Variants in FBN1 observed in about 807,000 individuals in gnomAD.
The protein encoded by FBN1 is fibrillin-1.
A neutral mutation model predicts 365.1 loss-of-function variants in FBN1; 29 were observed. The observed-to-expected ratio is 0.08, with a 90% CI of 0.06 to 0.11. FBN1 has a LOEUF of 0.11. FBN1 is among the 10% of genes least tolerant of loss of function. The pLI is 1.00. For synonymous variants in FBN1, 1,210 were observed against 1,270.5 expected (o/e 0.95, Z 1.01); for missense variants, 2,476 against 3,703.2 (o/e 0.67, Z 8.60).
At chr15:48,412,343 A>G (rs2141211230) in intron 65 of FBN1, among the ~76,000 whole-genome samples, 1 of 152,296 alleles carries the variant, frequency 6.6e-6, no homozygotes, top group South Asian at 2.1e-4. Flanking sequence ...GACAGAGGAA[A>G]TGAGCAAGTA....
intron 6 of FBN1, among the ~76,000 whole-genome samples, chr15:48,580,218 G>A (rs766037043): frequency 6.6e-6 from 1 of 152,098 alleles, no homozygotes; most frequent in Non-Finnish European, 1.5e-5. Context: ...GCATGCACTA[G>A]GACCATTCAT....
At chr15:48,603,684 G>A (rs1444141642) in intron 4 of FBN1, among the ~76,000 whole-genome samples, 1 of 152,110 alleles carries the variant, frequency 6.6e-6, no homozygotes, top group Non-Finnish European at 1.5e-5. Context: ...CCATAATGAT[G>A]CTGTATTCTT....
At chr15:48,486,828 T>C (rs1662598237) in intron 29 of FBN1, among the ~76,000 whole-genome samples, 1 of 152,204 alleles carries the variant, frequency 6.6e-6, no homozygotes, top group Non-Finnish European at 1.5e-5. Flanking sequence ...TAAAACATCC[T>C]ATGTCCTTCA....
intron 5 of FBN1, among the ~76,000 whole-genome samples, chr15:48,598,052 T>A (rs2044529389): frequency 6.6e-6 from 1 of 152,206 alleles, no homozygotes; most frequent in Non-Finnish European, 1.5e-5. Flanking sequence ...AGTTAGGACT[T>A]GTCTTCCTGC....
chr15:48,468,227 C>T, intron 37 of FBN1, 125 bp from the exon 38 acceptor site: 2 of 1,369,322 alleles, frequency 1.5e-6, no homozygotes, highest in Non-Finnish European at 2.1e-6. Flanking sequence ...TAAAAAGTGC[C>T]CATGAACATT....
At chr15:48,470,081 G>C (rs954924379) in intron 36 of FBN1, among the ~76,000 whole-genome samples, 2 of 152,122 alleles carry the variant, frequency 1.3e-5, no homozygotes, top group Non-Finnish European at 2.9e-5. Flanking sequence ...AAAGAGAACC[G>C]AGTGTCAGTC....
intron 9 of FBN1, among the ~76,000 whole-genome samples, chr15:48,523,536 C>A (rs538258977): frequency 1.3e-5 from 2 of 152,068 alleles, no homozygotes; most frequent in East Asian, 3.8e-4. Context: ...TGAAGAAGCA[C>A]CTTTGTTAAA....
intron 15 of FBN1, among the ~76,000 whole-genome samples, chr15:48,507,356 T>C (rs2043718708): frequency 1.3e-5 from 2 of 152,208 alleles, no homozygotes. Context: ...TTTTATGCTA[T>C]TTTACACTGT....
chr15:48,433,044 C>A, intron 54 of FBN1, 56 bp from the exon 55 acceptor site: 2 of 1,599,798 alleles, frequency 1.3e-6, no homozygotes, highest in Non-Finnish European at 1.7e-6. Context: ...AAAAGGGAAC[C>A]TACCAATTGA....
At chr15:48,419,190 T>C (rs1304610306) in intron 63 of FBN1, among the ~76,000 whole-genome samples, 2 of 152,146 alleles carry the variant, frequency 1.3e-5, no homozygotes, top group Non-Finnish European at 2.9e-5. Flanking sequence ...ACCCCAAACT[T>C]CTTCTGACTT....
rs2042837524 is a variant in FBN1, at chr15:48,408,699, G to C, written c.*2291C>G. The C allele has an allele frequency of 6.6e-6, 1 of 152,632 alleles. No individual in the cohort carries two copies. The highest frequency in any genetic ancestry group is 1.5e-5 in the Non-Finnish European group (1 of 68,024). 9.5% of individuals were successfully genotyped at this position (152,632 alleles called of 1,614,324 possible). A position where few individuals can be genotyped will look rare whatever the true frequency, so the allele number is the denominator to read the frequency against. ...AGAGGAATATTTACAATGGAACAAT[G>C]AGGAAAATGTTTTGTTACAGTCAGA... On this transcript the variant is annotated 3_prime_UTR_variant, in exon 66 of 66. Transcript: ENST00000316623.
chr15:48,621,908 G>A (rs568805962), intron 2 of FBN1, among the ~76,000 whole-genome samples: 1 of 151,548 alleles, frequency 6.6e-6, no homozygotes, highest in South Asian at 2.1e-4. Flanking sequence ...TGAGGCAGGA[G>A]AATGGTGTGA....
rs768253008 is a variant in FBN1 at position 48,513,564 on chromosome 15, G to A, written c.1573C>T (p.Arg525Trp). Residue 525 changes from arginine to tryptophan, a missense_variant, in exon 13 of 66, where the codon CGG (arginine) becomes TGG (tryptophan). Physicochemically the swap from Arg to Trp is moderately radical, Grantham distance 101. Around this residue, in one of 5 missense-constraint regions of FBN1, gnomAD observed 1,780 missense variants for 2,840.8 expected, o/e 0.63. Transcript: ENST00000316623. ...AGGACCATACCTCGGCATTCTGTCC[G>A]CGTGAGTGTGCTCTGATATCCAGCT... ...CRAGYQSTLT[R>W]TECRDIDECL... The A allele has an allele frequency of 1.3e-5, 21 of 1,613,936 alleles. No individual in the cohort carries two copies. The highest frequency in any genetic ancestry group is 6.7e-5 in the Admixed American group (4 of 60,006).
At chr15:48,535,716 G>A (rs1378589042) in intron 7 of FBN1, among the ~76,000 whole-genome samples, 1 of 152,088 alleles carries the variant, frequency 6.6e-6, no homozygotes, top group African/African-American at 2.4e-5. Context: ...CAACAATTTA[G>A]TTTATTATAA....
At chr15:48,433,076 C>T in intron 54 of FBN1, 88 bp from the exon 55 acceptor site, 1 of 1,431,228 alleles carries the variant, frequency 7.0e-7, no homozygotes, top group Non-Finnish European at 9.8e-7. Flanking sequence ...AAAACTTTAC[C>T]AAAAGTTGCA....
intron 2 of FBN1, among the ~76,000 whole-genome samples, chr15:48,629,598 A>G (rs1198943136): frequency 6.6e-6 from 1 of 152,204 alleles, no homozygotes; most frequent in Non-Finnish European, 1.5e-5. Context: ...TAGGACACAC[A>G]TTGAAATATT....
intron 2 of FBN1, among the ~76,000 whole-genome samples, chr15:48,638,320 G>A (rs1268842122): frequency 6.6e-6 from 1 of 152,112 alleles, no homozygotes; most frequent in African/African-American, 2.4e-5. Context: ...AGCAATGGTG[G>A]GAGAAGATTC....
intron 50 of FBN1, among the ~76,000 whole-genome samples, chr15:48,441,243 C>T (rs1163170416): frequency 6.6e-6 from 1 of 152,098 alleles, no homozygotes; most frequent in Non-Finnish European, 1.5e-5. Flanking sequence ...GAATCCTGAT[C>T]AGTTTAAATT....
In FBN1 at chr15:48,492,593, AG is replaced by A; in HGVS notation, c.2729-8del. On this transcript the variant is annotated splice_region_variant and splice_polypyrimidine_tract_variant and intron_variant, in intron 23 of 65. Transcript: ENST00000316623. Reference sequence around the variant, plus strand: ...ACTTCACATTCATCTATATCTAAAAAGAAAAAAAAAGTATAAAGTTAATATA... The same window carrying A: ...ACTTCACATTCATCTATATCTAAAAAAAAAAAAAAGTATAAAGTTAATATA... The A allele has an allele frequency of 1.3e-6, 2 of 1,576,756 alleles. No individual in the cohort carries two copies. Among genetic ancestry groups the A allele is most frequent in the Non-Finnish European group, 8.7e-7 (1 of 1,148,112 alleles).
Sources: allele counts gnomAD v4.1 joint callset (sites outside exome capture counted in the v4.1 genomes callset), GRCh38; gene constraint gnomAD v4.1.1; regional missense constraint gnomAD v4.1.1; transcripts MANE v1.5; gene names NCBI Gene and HGNC (gene_info 2026-07-23, HGNC 2026-07-21).